MARCHF1: variants seen among roughly 807,000 people sequenced by gnomAD.
MARCHF1 encodes the protein membrane associated ring-CH-type finger 1.
A neutral mutation model predicts 54.2 loss-of-function variants in MARCHF1; 40 were observed. The observed-to-expected ratio is 0.74, with a 90% CI of 0.57 to 0.96. The LOEUF is 0.96. Ranked by LOEUF, MARCHF1 falls within the 40% of genes least tolerant of loss-of-function variation. The pLI is 0.00. For missense variants in MARCHF1, 586 were observed against 656.5 expected, an observed-to-expected ratio of 0.89 and a Z score of 1.17; for synonymous variants, 236 against 236.3, an observed-to-expected ratio of 1.00 and a Z score of 0.01.
chr4:163,877,343 T>C (rs1750311220), intron 3 of MARCHF1, among the ~76,000 whole-genome samples: 1 of 152,186 alleles, frequency 6.6e-6, no homozygotes, highest in Admixed American at 6.5e-5. Flanking sequence ...TTTTCAACAA[T>C]GTTTCTCAAC....
intron 7 of MARCHF1, among the ~76,000 whole-genome samples, chr4:163,599,297 T>TTATATATATA (rs150458467): frequency 4.8e-4 from 71 of 146,752 alleles, no homozygotes; most frequent in African/African-American, 1.5e-3. Context: ...CTCAAAAAAA[T>TTATATATATA]TATATATATA....
At chr4:164,215,391 A>G (rs1343733140) in intron 1 of MARCHF1, among the ~76,000 whole-genome samples, 5 of 151,988 alleles carry the variant, frequency 3.3e-5, no homozygotes, top group African/African-American at 9.7e-5. Context: ...TCCATGTCCA[A>G]CTGCTTGTGT....
intron 3 of MARCHF1, among the ~76,000 whole-genome samples, chr4:163,897,388 C>G (rs749755431): frequency 1.3e-5 from 2 of 152,088 alleles, no homozygotes; most frequent in Non-Finnish European, 2.9e-5. Flanking sequence ...TTCCTCTCAC[C>G]CTCACATTCC....
At chr4:163,781,474 C>G (rs966352198) in intron 4 of MARCHF1, among the ~76,000 whole-genome samples, 2 of 152,134 alleles carry the variant, frequency 1.3e-5, no homozygotes, top group Admixed American at 1.3e-4. Context: ...AATGGAATCA[C>G]TCTTGATAAG....
intron 3 of MARCHF1, among the ~76,000 whole-genome samples, chr4:163,868,126 C>T (rs987443284): frequency 5.9e-5 from 9 of 151,992 alleles, no homozygotes; most frequent in Non-Finnish European, 1.0e-4. Context: ...GGTGCAATTT[C>T]AAATGGGGCT....
intron 9 of MARCHF1, among the ~76,000 whole-genome samples, chr4:163,534,592 G>A (rs1738468011): frequency 6.6e-6 from 1 of 152,052 alleles, no homozygotes; most frequent in South Asian, 2.1e-4. Context: ...TTACTTAAGA[G>A]AAGATGCTAA....
At chr4:163,651,304 G>A (rs576859430) in intron 5 of MARCHF1, among the ~76,000 whole-genome samples, 6 of 151,920 alleles carry the variant, frequency 3.9e-5, no homozygotes, top group African/African-American at 1.4e-4. Flanking sequence ...CTTAGAACAT[G>A]CAAACAATAT....
rs572354170 is a variant in MARCHF1 at position 164,298,639 on chromosome 4, A to G, written c.-323+85231T>C. On this transcript the variant is annotated intron_variant, in intron 1 of 9. Coordinates refer to ENST00000514618, the MANE Select transcript of MARCHF1 (RefSeq NM_001394959.1). ...TCAGATTTGTTTTCTACAAGACTAC[A>G]CTCAACTCCTACCAGAGATTAAAAT... Among the ~76,000 whole-genome samples, 3 of 152,206 alleles carry G rather than the reference A, an allele frequency of 2.0e-5. No individual in the cohort carries two copies. The East Asian group carries it at 5.8e-4, about 29-fold the overall frequency.
intron 1 of MARCHF1, among the ~76,000 whole-genome samples, chr4:164,165,932 G>A (rs1204059941): frequency 1.3e-5 from 2 of 151,956 alleles, no homozygotes; most frequent in Non-Finnish European, 1.5e-5. Flanking sequence ...GGAGTGAAAT[G>A]CCATTTCAGT....
At chr4:163,889,551 T>A (rs1402561424) in intron 3 of MARCHF1, among the ~76,000 whole-genome samples, 6 of 152,002 alleles carry the variant, frequency 3.9e-5, no homozygotes, top group Non-Finnish European at 7.4e-5. Flanking sequence ...ATATCTTACA[T>A]GGGGGGAGAA....
chr4:163,743,180 C>T (rs1255339035), intron 4 of MARCHF1, among the ~76,000 whole-genome samples: 1 of 152,098 alleles, frequency 6.6e-6, no homozygotes, highest in African/African-American at 2.4e-5. Flanking sequence ...AAGGAAACAA[C>T]AGTAAAGTCT....
At chr4:164,120,840 A>G (rs1269807564) in intron 1 of MARCHF1, among the ~76,000 whole-genome samples, 1 of 152,162 alleles carries the variant, frequency 6.6e-6, no homozygotes, top group African/African-American at 2.4e-5. Context: ...AAGCAGTACT[A>G]AGAGGGAAGT....
intron 4 of MARCHF1, among the ~76,000 whole-genome samples, chr4:163,841,007 T>C (rs901803584): frequency 2.4e-4 from 36 of 152,108 alleles, no homozygotes; most frequent in African/African-American, 8.4e-4. Context: ...CATTTACCTT[T>C]GTATAGCAAA....
chr4:163,609,734 A>G (rs892073819), intron 7 of MARCHF1, among the ~76,000 whole-genome samples: 3 of 151,808 alleles, frequency 2.0e-5, no homozygotes, highest in African/African-American at 7.3e-5. Flanking sequence ...AATATTATGT[A>G]GAACCCCACT....
chr4:164,173,134 A>G (rs73873806), intron 1 of MARCHF1, among the ~76,000 whole-genome samples: 96 of 152,364 alleles, frequency 6.3e-4, no homozygotes, highest in Middle Eastern at 3.4e-3. Context: ...TTGCATTTAA[A>G]TCAACACTTA....
intron 5 of MARCHF1, among the ~76,000 whole-genome samples, chr4:163,637,291 C>T (rs112557201): frequency 0.056 from 8,500 of 152,100 alleles, 324 homozygotes; most frequent in East Asian, 0.17. Flanking sequence ...AAAGAAACTA[C>T]CATCAGAGTG....
intron 1 of MARCHF1, among the ~76,000 whole-genome samples, chr4:164,312,418 G>A (rs898030140): frequency 4.7e-5 from 7 of 148,512 alleles, no homozygotes; most frequent in African/African-American, 1.7e-4. Flanking sequence ...CGCCTCCCGG[G>A]TTCACGCCAT....
chr4:163,691,731 CA>C (rs1202627111), intron 5 of MARCHF1, among the ~76,000 whole-genome samples: 2 of 152,100 alleles, frequency 1.3e-5, no homozygotes, highest in Admixed American at 1.3e-4. Flanking sequence ...TGAGGTGAAA[CA>C]AACTTAATTT....
At chr4:163,974,419 T>C (rs757235647) in intron 3 of MARCHF1, among the ~76,000 whole-genome samples, 2 of 152,196 alleles carry the variant, frequency 1.3e-5, no homozygotes, top group Non-Finnish European at 2.9e-5. Flanking sequence ...GTCCTACTCT[T>C]AGACTCTTTG....
Sources: gnomAD v4.1 joint callset for allele counts (sites outside exome capture counted in the v4.1 genomes callset) on GRCh38, gnomAD v4.1.1 for gene constraint, MANE v1.5 for transcripts, NCBI Gene and HGNC (gene_info 2026-07-23, HGNC 2026-07-21) for gene names.